Variants in RYR1 observed in about 807,000 individuals in gnomAD.
RYR1 encodes ryanodine receptor 1.
In RYR1, 342 loss-of-function variants were observed where a neutral mutation model predicts 583.5. That is an observed-to-expected ratio of 0.59 (90% confidence interval 0.54 to 0.64). The LOEUF (loss-of-function observed/expected upper bound fraction) is 0.64, where lower values mean the gene tolerates loss of function less well. Among genes scored for constraint, RYR1 ranks in the 30% least tolerant of loss-of-function variants. The pLI is 0.00. For missense variants in RYR1, 6,032 were observed against 6,917.2 expected, an observed-to-expected ratio of 0.87 and a Z score of 4.54; for synonymous variants, 2,791 against 2,822.5, an observed-to-expected ratio of 0.99 and a Z score of 0.35.
At chr19:38,569,494 G>A (rs1346192430) in intron 93 of RYR1, among the ~76,000 whole-genome samples, 1 of 151,658 alleles carries the variant, frequency 6.6e-6, no homozygotes, top group African/African-American at 2.4e-5. Context: ...GGTTGAGGCA[G>A]CAGTGAGCTA....
rs1412645396 is a variant in RYR1, at chr19:38,440,805, C to T, written c.106C>T (p.Leu36=). The T allele has an allele frequency of 6.2e-7, 1 of 1,609,166 alleles. No individual in the cohort carries two copies. Among genetic ancestry groups the T allele is most frequent in the Non-Finnish European group, 8.5e-7 (1 of 1,178,606 alleles). The change falls in exon 2 of 106, where the codon CTG becomes TTG. Residue 36 remains leucine (L), a synonymous_variant. Transcript: ENST00000359596. ...TVLKEQLKLC[L]AAEGFGNRLC... ...GCTCAAGGAGCAGCTCAAGCTCTGC[C>T]TGGCCGCCGAGGGCTTCGGCAACCG...
rs12459024 is a variant in RYR1 at position 38,529,309 on chromosome 19, C to T, written c.11141+252C>T. ...CAGCCTGGCCAATATGGCAAAACCCCGTTTCTACAAAAATACAATAAATAG... is the reference window on the plus strand; with the variant it reads ...CAGCCTGGCCAATATGGCAAAACCCTGTTTCTACAAAAATACAATAAATAG... On this transcript the variant is annotated intron_variant, in intron 76 of 105. Transcript: ENST00000359596. Among the ~76,000 whole-genome samples, 7,858 of 152,294 alleles carry T rather than the reference C, an allele frequency of 0.052. 276 individuals carry two copies. The highest frequency in any genetic ancestry group is 0.12 in the Admixed American group (1,831 of 15,290).
At chr19:38,567,318 C>G (rs1019086004) in intron 92 of RYR1, among the ~76,000 whole-genome samples, 22 of 151,902 alleles carry the variant, frequency 1.4e-4, no homozygotes, top group African/African-American at 5.3e-4. Flanking sequence ...AGAGCAAGAC[C>G]CTGTGTCGAA....
chr19:38,455,335 G>T lies in RYR1; in HGVS notation c.1541G>T (p.Trp514Leu), dbSNP rs751233822. 4 of 1,614,066 alleles carry T rather than the reference G, an allele frequency of 2.5e-6. No individual in the cohort carries two copies. The South Asian group carries it at 4.4e-5, about 18-fold the overall frequency. Residue 514 changes from tryptophan to leucine, a missense_variant, in exon 14 of 106, where the codon TGG (tryptophan) becomes TTG (leucine). Trp to Leu is a moderately conservative substitution (Grantham distance 61). Around this residue, in one of 11 missense-constraint regions of RYR1, gnomAD observed 2,627 missense variants for 2,961.3 expected, o/e 0.89. Transcript: ENST00000359596. The stretch of plus-strand genomic sequence containing the variant: ...GCAGGGGAGGAGGCAGCCGAGTCCT[G>T]GAAAGAGATTGTGAATCTTCTCTAT... ...EFAGEEAAES[W>L]KEIVNLLYEL...
rs953504971 is a variant in RYR1 at position 38,473,680 on chromosome 19, C to A, written c.4069C>A (p.Pro1357Thr). 1 of 1,550,490 alleles carries A rather than the reference C, an allele frequency of 6.4e-7. No individual in the cohort carries two copies. Among genetic ancestry groups the A allele is most frequent in the South Asian group, 1.2e-5 (1 of 84,070 alleles). The change falls in exon 28 of 106, where the codon CCC becomes ACC. Residue 1357 changes from proline to threonine, a missense_variant. This residue lies in a region of RYR1 where 2,627 missense variants were observed against 2,961.3 expected (regional missense o/e 0.89). Coordinates refer to ENST00000359596, the MANE Select transcript of RYR1 (RefSeq NM_000540.3). ...AGAAGGGACTGCGAAGGAGGGCGCC[C>A]CCGGGGGCACCCCGCAGGCGGGGGG... ...GKEGTAKEGA[P>T]GGTPQAGGEA...
chr19:38,476,019 T>C (rs1968704473), intron 29 of RYR1, among the ~76,000 whole-genome samples: 1 of 99,894 alleles, frequency 1.0e-5, no homozygotes, highest in Admixed American at 8.6e-5. Context: ...CATAGATTCC[T>C]TTTTTTTTTC....
At chr19:38,502,811 A>AAGGG in intron 48 of RYR1, 69 bp from the exon 49 acceptor site, 1 of 813,672 alleles carries the variant, frequency 1.2e-6, no homozygotes, top group Admixed American at 4.2e-5. Flanking sequence ...GGGCAGGGGG[A>AAGGG]GGAGCAGGGG....
In RYR1 at chr19:38,512,140, C is replaced by T. The variant is rs2145661847; in HGVS notation, c.9233+8C>T. 1 of 1,614,182 alleles carries T rather than the reference C, an allele frequency of 6.2e-7. No individual in the cohort carries two copies. The highest frequency in any genetic ancestry group is 8.5e-7 in the Non-Finnish European group (1 of 1,180,026). ...CCGCTCCCTGGATGCCAGGTAGGGC[C>T]ATAGGCAGTGGCGCCCACTCCCACC... On this transcript the variant is annotated splice_region_variant and intron_variant, in intron 62 of 105. Coordinates refer to ENST00000359596, the MANE Select transcript of RYR1 (RefSeq NM_000540.3). This position sits in a 1 kb window ranked among gnomAD's most constrained non-coding sequence, Gnocchi z 5.1.
At chr19:38,506,280 C>T (rs1318296051) in intron 54 of RYR1, 23 bp from the exon 55 acceptor site, 2 of 1,613,228 alleles carry the variant, frequency 1.2e-6, no homozygotes, top group South Asian at 2.2e-5. Context: ...AGCCCACCTC[C>T]CATCTTCCCC....
At chr19:38,560,271 G>A (rs1264106219) in intron 89 of RYR1, among the ~76,000 whole-genome samples, 2 of 152,064 alleles carry the variant, frequency 1.3e-5, no homozygotes, top group Admixed American at 1.3e-4. Flanking sequence ...GCTGAAGCAC[G>A]AGACTCATTT....
intron 71 of RYR1, 147 bp from the exon 72 acceptor site, chr19:38,526,846 T>C (rs1320636445): frequency 2.6e-6 from 2 of 769,048 alleles, no homozygotes; most frequent in Non-Finnish European, 4.4e-6. Flanking sequence ...CGTCAACCTC[T>C]GCATCCTTTT....
Position 38,475,424 on chromosome 19 carries a change from C to G in RYR1, c.4267C>G (p.Pro1423Ala), listed in dbSNP as rs1968671159. The G allele has an allele frequency of 1.2e-6, 2 of 1,613,826 alleles. No individual in the cohort carries two copies. Among genetic ancestry groups the G allele is most frequent in the Non-Finnish European group, 1.7e-6 (2 of 1,180,024 alleles). Residue 1423 changes from proline (P) to alanine (A), a missense_variant, in exon 29 of 106, where the codon CCC becomes GCC. Transcript: ENST00000359596. ...GGTGCCTGCAGACAACCGCGATGAC[C>G]CCGAGATCATCCTCAACACCACCAC... ...DVVPADNRDD[P>A]EIILNTTTYY...
At chr19:38,493,340 C>T (rs941488643) in intron 38 of RYR1, among the ~76,000 whole-genome samples, 1 of 152,022 alleles carries the variant, frequency 6.6e-6, no homozygotes, top group South Asian at 2.1e-4. Context: ...GTATATTAGC[C>T]ACATCTAACA....
chr19:38,528,548 G>A lies in RYR1; in HGVS notation c.10938-51G>A. The A allele has an allele frequency of 2.5e-6, 4 of 1,607,304 alleles. No individual in the cohort carries two copies. In the South Asian group the frequency reaches 4.4e-5, roughly 18 times the overall value. On this transcript the variant is annotated intron_variant, in intron 74 of 105. Transcript: ENST00000359596. ...GGGGCTGCAGGCGCATGGGAGGTCG[G>A]GAAGCACGGAGGAGGGCGCGTCCCA...
rs1163320166 is a variant in RYR1 at position 38,517,437 on chromosome 19, G to T, written c.9764G>T (p.Gly3255Val). 1.2e-6 allele frequency: 2 copies of T among 1,614,056 alleles called. No individual in the cohort carries two copies. The highest frequency in any genetic ancestry group is 2.2e-5 in the East Asian group (1 of 44,882). ...VLERLMADIG[G>V]LAESGARYTE... is the part of the protein sequence containing the mutation. ...GAGCGGCTCATGGCAGACATTGGGGGGCTGGCCGAGTCAGGTGCCCGCTAC... is the reference window on the plus strand; with the variant it reads ...GAGCGGCTCATGGCAGACATTGGGGTGCTGGCCGAGTCAGGTGCCCGCTAC... The change falls in exon 66 of 106, where the codon GGG becomes GTG. Residue 3255 changes from glycine to valine, a missense_variant. Physicochemically the swap from Gly to Val is moderately radical, Grantham distance 109. Transcript: ENST00000359596.
chr19:38,502,185 A>G (rs1035653753), intron 47 of RYR1, among the ~76,000 whole-genome samples: 4 of 152,080 alleles, frequency 2.6e-5, no homozygotes, highest in African/African-American at 9.7e-5. Flanking sequence ...TTACAGGAAG[A>G]AAGATGAGGG....
intron 72 of RYR1, 28 bp downstream of exon 72, chr19:38,527,080 G>A (rs763010746): frequency 3.1e-6 from 5 of 1,612,604 alleles, no homozygotes; most frequent in South Asian, 1.1e-5. Context: ...GCAAGCAAAA[G>A]AAGCAAGTCA....
At position 38,490,704 on chromosome 19, in the gene RYR1, C is replaced by G. The variant is rs1969514949; in HGVS notation, c.6099C>G (p.Asp2033Glu). ...AAGAGATTCGACAGGATTTGCTTGA[C>G]TTTCATCAAGACCTGCTGGCACACT... is the stretch of plus-strand genomic sequence containing the variant. ...LPEEIRQDLL[D>E]FHQDLLAHCG... The change falls in exon 37 of 106, where the codon GAC becomes GAG. Residue 2033 changes from aspartate to glutamate, a missense_variant. Asp to Glu is a conservative substitution (Grantham distance 45, BLOSUM62 2). This residue lies in a region of RYR1 where 2,627 missense variants were observed against 2,961.3 expected (regional missense o/e 0.89). Transcript: ENST00000359596. The G allele has an allele frequency of 6.2e-7, 1 of 1,613,384 alleles. No individual in the cohort carries two copies. The highest frequency in any genetic ancestry group is 8.5e-7 in the Non-Finnish European group (1 of 1,179,384).
intron 88 of RYR1, 50 bp from the exon 89 acceptor site, chr19:38,548,183 G>T (rs369698714): frequency 2.5e-6 from 4 of 1,608,390 alleles, no homozygotes; most frequent in East Asian, 2.2e-5. Context: ...GCCTGGTGGG[G>T]CCCCAGAAGG....
Sources: allele counts gnomAD v4.1 joint callset (sites outside exome capture counted in the v4.1 genomes callset), GRCh38; gene constraint gnomAD v4.1.1; regional missense constraint gnomAD v4.1.1; non-coding constraint Gnocchi (gnomAD v3.1); transcripts MANE v1.5; gene names NCBI Gene and HGNC (gene_info 2026-07-23, HGNC 2026-07-21).